Variants in CLPTM1 observed in about 807,000 individuals in gnomAD.
CLPTM1 encodes CLPTM1 regulator of GABA type A receptor forward trafficking, also known as putative lipid scramblase CLPTM1.
CLPTM1 carries 21 observed loss-of-function variants against 77.3 expected under a neutral mutation model. That is an observed-to-expected ratio of 0.27 (90% CI 0.19 to 0.39). The LOEUF is 0.39. CLPTM1 is among the 10% of genes least tolerant of loss of function. The probability of loss-of-function intolerance (pLI) is 1.00; values close to 1 mark genes in which losing one functional copy is unlikely to be tolerated. For missense variants in CLPTM1, 642 were observed against 921.2 expected, an observed-to-expected ratio of 0.70 and a Z score of 3.92; for synonymous variants, 373 against 381.0, an observed-to-expected ratio of 0.98 and a Z score of 0.24.
chr19:44,960,780 A>G (rs768114044), intron 1 of CLPTM1, among the ~76,000 whole-genome samples: 10 of 152,220 alleles, frequency 6.6e-5, no homozygotes, highest in Non-Finnish European at 1.3e-4. Flanking sequence ...TGAGTCCTTC[A>G]GGCAGCGGTG....
At chr19:44,963,079 G>A (rs1311649940) in intron 2 of CLPTM1, among the ~76,000 whole-genome samples, 3 of 150,198 alleles carry the variant, frequency 2.0e-5, no homozygotes, top group South Asian at 2.1e-4. Context: ...GTGGTGGCAC[G>A]TGCCTGTAGT....
At chr19:44,955,358 C>CGGGGGG, upstream of CLPTM1, 15 of 479,746 alleles carry the variant, frequency 3.1e-5, no homozygotes, top group East Asian at 6.5e-5. Flanking sequence ...GGGGACGGGG[C>CGGGGGG]GGGGCTGGCG....
chr19:44,955,330 C>T, upstream of CLPTM1: 1 of 1,281,718 alleles, frequency 7.8e-7, no homozygotes, highest in Non-Finnish European at 9.9e-7. Flanking sequence ...AAATCTCGCG[C>T]GATTGCGCTG....
At chr19:44,963,933 C>CT (rs370988533) in intron 2 of CLPTM1, among the ~76,000 whole-genome samples, 19,187 of 141,220 alleles carry the variant, frequency 0.14, 1,387 homozygotes, top group Middle Eastern at 0.18. Flanking sequence ...CTAATTTTTG[C>CT]TTTTTTTTTT....
intron 2 of CLPTM1, among the ~76,000 whole-genome samples, chr19:44,965,453 G>A (rs1056100705): frequency 6.6e-6 from 1 of 151,630 alleles, no homozygotes; most frequent in Admixed American, 6.6e-5. Context: ...AGCCAAGATC[G>A]TGCCACTGCA....
chr19:44,965,707 A>G (rs1243487241), intron 2 of CLPTM1, among the ~76,000 whole-genome samples: 13 of 151,334 alleles, frequency 8.6e-5, no homozygotes, highest in Admixed American at 7.2e-4. Context: ...CCAGCTACTC[A>G]GGAGGCTGAG....
At chr19:44,978,161 C>T (rs1970835474) in intron 5 of CLPTM1, among the ~76,000 whole-genome samples, 1 of 151,880 alleles carries the variant, frequency 6.6e-6, no homozygotes, top group African/African-American at 2.4e-5. Flanking sequence ...AATCCCAGGA[C>T]TTTGGGAGGC....
rs375615599 is a variant in CLPTM1, at chr19:44,992,584, C to G, written c.1724-27C>G. On this transcript the variant is annotated intron_variant, in intron 13 of 13. Transcript: ENST00000337392. The surrounding 1 kb of genome is among the most constrained non-coding windows in gnomAD (Gnocchi z 7.7). ...CTGGCTGTGGACGGGCCAGCCCGAC[C>G]TCACACTGCCTCCCACCCCTCTCCA... The G allele has an allele frequency of 8.4e-5, 136 of 1,611,970 alleles. No individual in the cohort carries two copies. Among genetic ancestry groups the G allele is most frequent in the Non-Finnish European group, 1.1e-4 (128 of 1,179,190 alleles).
chr19:44,954,643 C>G, upstream of CLPTM1: 1 of 1,101,840 alleles, frequency 9.1e-7, no homozygotes, highest in Non-Finnish European at 1.1e-6. Context: ...CGAAGACACA[C>G]AGCTAATGAA....
rs1211692762 is a variant in CLPTM1, at chr19:44,955,388, G to A, written c.-8G>A. On this transcript the variant is annotated 5_prime_UTR_variant, in exon 1 of 14. Transcript: ENST00000337392. The stretch of plus-strand genomic sequence containing the variant: ...CTGGCGGCGGGGGCGGGGACCCGGA[G>A]CGGGAAGATGGCGGCGGCGCAGGAG... 3.7e-6 allele frequency: 5 copies of A among 1,333,356 alleles called. No individual in the cohort carries two copies. The highest frequency in any genetic ancestry group is 2.0e-5 in the South Asian group (1 of 49,320). The allele number at this position is 1,333,356 out of a possible 1,614,324, so 82.6% of individuals were successfully genotyped here.
rs535812941 is a variant in CLPTM1, at chr19:44,992,485, G to A, written c.1723+85G>A. On this transcript the variant is annotated intron_variant, in intron 13 of 13. Transcript: ENST00000337392. This position sits in a 1 kb window ranked among gnomAD's most constrained non-coding sequence, Gnocchi z 7.7. Reference sequence around the variant, plus strand: ...GGGCCCAGGCCTGAGGGGGTGCCACGGCCCCAGATGGGGTGCTCAGTCTGA... The same window carrying A: ...GGGCCCAGGCCTGAGGGGGTGCCACAGCCCCAGATGGGGTGCTCAGTCTGA... The A allele has an allele frequency of 7.5e-5, 120 of 1,589,994 alleles. No individual in the cohort carries two copies. In the African/African-American group the frequency reaches 8.1e-4, roughly 11 times the overall value.
intron 5 of CLPTM1, among the ~76,000 whole-genome samples, chr19:44,979,451 A>G (rs1468443037): frequency 2.0e-5 from 3 of 152,108 alleles, no homozygotes; most frequent in African/African-American, 7.2e-5. Context: ...TTTATTGAGG[A>G]CTATTCCAGA....
Position 44,992,640 on chromosome 19 carries a change from C to T in CLPTM1, c.1753C>T (p.Arg585Trp). ...DVVFFIYLYQ[R>W]WIYRVDPTRV... ...GGTTTTCTTCATCTACCTCTACCAACGGTGGATCTACCGCGTCGACCCCAC... is the reference window on the plus strand; with the variant it reads ...GGTTTTCTTCATCTACCTCTACCAATGGTGGATCTACCGCGTCGACCCCAC... Residue 585 changes from arginine to tryptophan, a missense_variant, in exon 14 of 14, where the codon CGG (arginine) becomes TGG (tryptophan). Physicochemically the swap from Arg to Trp is moderately radical, Grantham distance 101 (BLOSUM62 -3). Coordinates refer to ENST00000337392, the MANE Select transcript of CLPTM1 (RefSeq NM_001294.4). The surrounding 1 kb of genome is among the most constrained non-coding windows in gnomAD (Gnocchi z 7.7). 6.2e-7 allele frequency: 1 copy of T among 1,613,948 alleles called. No individual in the cohort carries two copies.
intron 4 of CLPTM1, among the ~76,000 whole-genome samples, chr19:44,977,085 G>T (rs550723832): frequency 1.3e-5 from 2 of 152,056 alleles, no homozygotes; most frequent in African/African-American, 2.4e-5. Flanking sequence ...TGGGAACTTC[G>T]CATCCTCTAG....
chr19:44,963,207 C>CAAAAAAAAA (rs778157562), intron 2 of CLPTM1, among the ~76,000 whole-genome samples: 2 of 29,056 alleles, frequency 6.9e-5, no homozygotes, highest in Non-Finnish European at 1.2e-4. Context: ...GACTCCATCT[C>CAAAAAAAAA]AAAAAAAAAA....
intron 1 of CLPTM1, among the ~76,000 whole-genome samples, chr19:44,958,458 G>C (rs185484260): frequency 2.2e-3 from 327 of 150,858 alleles, no homozygotes; most frequent in Non-Finnish European, 3.5e-3. Flanking sequence ...TGCAACCTCC[G>C]TCTCCTGGGT....
intron 5 of CLPTM1, 57 bp downstream of exon 5, chr19:44,977,517 C>T: frequency 7.7e-7 from 1 of 1,304,662 alleles, no homozygotes; most frequent in Non-Finnish European, 1.1e-6. Context: ...ATCCTGGGAG[C>T]CCCCAGGCTA....
chr19:44,955,042 G>C (rs781319926), upstream of CLPTM1: 9 of 1,535,580 alleles, frequency 5.9e-6, no homozygotes, highest in African/African-American at 1.4e-5. Flanking sequence ...AATCGGCAGG[G>C]AGAAGCGGAC....
intron 4 of CLPTM1, among the ~76,000 whole-genome samples, chr19:44,975,165 A>G (rs1970786890): frequency 6.6e-6 from 1 of 152,220 alleles, no homozygotes; most frequent in African/African-American, 2.4e-5. Context: ...AACCTCCTCC[A>G]GGAAGCCCTC....
Sources: gnomAD v4.1 joint callset for allele counts (sites outside exome capture counted in the v4.1 genomes callset) on GRCh38, gnomAD v4.1.1 for gene constraint, Gnocchi (gnomAD v3.1) non-coding constraint, MANE v1.5 for transcripts, NCBI Gene and HGNC (gene_info 2026-07-23, HGNC 2026-07-21) for gene names.